The following PRCD variants were observed in gnomAD, a reference collection of about 807,000 sequenced individuals.
PRCD encodes photoreceptor disc component.
Under a neutral mutation model 10.1 loss-of-function variants are expected in PRCD, and 12 were observed. The ratio of observed to expected loss-of-function variants is 1.18; its 90% CI spans 0.76 to 1.92. The LOEUF (loss-of-function observed/expected upper bound fraction) is 1.92, where lower values mean the gene tolerates loss of function less well. PRCD is among the 40% of genes most tolerant of loss of function. PRCD has a pLI of 0.00. For missense variants in PRCD, 61 were observed against 72.2 expected, an observed-to-expected ratio of 0.84 and a Z score of 0.56; for synonymous variants, 31 against 26.2, an observed-to-expected ratio of 1.18 and a Z score of -0.56.
chr17:76,543,887 A>C lies in PRCD; in HGVS notation c.*237A>C, dbSNP rs1480720930. 1 of 471,090 alleles carries C rather than the reference A, an allele frequency of 2.1e-6. No individual in the cohort carries two copies. Among genetic ancestry groups the C allele is most frequent in the Non-Finnish European group, 4.4e-6 (1 of 227,074 alleles). 29.2% of individuals were successfully genotyped at this position (471,090 alleles called of 1,614,324 possible). On this transcript the variant is annotated 3_prime_UTR_variant, in exon 5 of 5. Coordinates refer to ENST00000592014, the MANE Select transcript of PRCD (RefSeq NM_001077620.3). ...TTGGATCTGTGACATGTCTGCCTGCAGCTGGATGGGAGCAACGGACAGCTT... is the reference window on the plus strand; with the variant it reads ...TTGGATCTGTGACATGTCTGCCTGCCGCTGGATGGGAGCAACGGACAGCTT...
chr17:76,535,632 G>T (rs1044958473), upstream of PRCD, among the ~76,000 whole-genome samples: 4 of 152,142 alleles, frequency 2.6e-5, no homozygotes, highest in African/African-American at 9.7e-5. Context: ...ACCTCCCCCA[G>T]CCCAGGCCCA....
chr17:76,528,544 G>A lies in PRCD; in HGVS notation n.45+711G>A. 2 of 1,289,218 alleles carry A rather than the reference G, an allele frequency of 1.6e-6. No individual in the cohort carries two copies. Among genetic ancestry groups the A allele is most frequent in the East Asian group, 3.1e-5 (1 of 32,592 alleles). The allele number at this position is 1,289,218 out of a possible 1,614,324, so 79.9% of individuals were successfully genotyped here. On this transcript the variant is annotated intron_variant and non_coding_transcript_variant, in intron 1 of 4. Transcript: ENST00000397633. This position sits in a 1 kb window ranked among gnomAD's most constrained non-coding sequence, Gnocchi z 5.8. The stretch of plus-strand genomic sequence containing the variant: ...CTTCAGAACTCGGCCTTCTGCTCGA[G>A]GTGCTGCCAGGGAGGGGGGTGGAGT...
chr17:76,528,539 C>A lies in PRCD; in HGVS notation n.45+706C>A, dbSNP rs774830735. The A allele has an allele frequency of 5.1e-5, 65 of 1,286,166 alleles. No individual in the cohort carries two copies. Among genetic ancestry groups the A allele is most frequent in the Non-Finnish European group, 5.9e-5 (59 of 1,007,130 alleles). The allele number at this position is 1,286,166 out of a possible 1,614,324, so 79.7% of individuals were successfully genotyped here. ...AGGGTCTTCAGAACTCGGCCTTCTGCTCGAGGTGCTGCCAGGGAGGGGGGT... is the reference window on the plus strand; with the variant it reads ...AGGGTCTTCAGAACTCGGCCTTCTGATCGAGGTGCTGCCAGGGAGGGGGGT... On this transcript the variant is annotated intron_variant and non_coding_transcript_variant, in intron 1 of 4. Coordinates refer to the PRCD transcript ENST00000397633. This position sits in a 1 kb window ranked among gnomAD's most constrained non-coding sequence, Gnocchi z 5.8.
In PRCD at chr17:76,530,738, G is replaced by C. The variant is rs1201126738; in HGVS notation, n.45+2905G>C. The stretch of plus-strand genomic sequence containing the variant: ...CTCCCTGGCTCTAGGGAAGGGGAAG[G>C]CTCTTTGGGAGGATTTTTGCTCAGG... On this transcript the variant is annotated intron_variant and non_coding_transcript_variant, in intron 1 of 4. Transcript: ENST00000397633. This position sits in a 1 kb window ranked among gnomAD's most constrained non-coding sequence, Gnocchi z 6.1. Among the ~76,000 whole-genome samples, 4 of 152,158 alleles carry C rather than the reference G, an allele frequency of 2.6e-5. No individual in the cohort carries two copies. Among genetic ancestry groups the C allele is most frequent in the Admixed American group, 2.6e-4 (4 of 15,290 alleles).
Position 76,543,018 on chromosome 17 carries a change from TTC to T in PRCD, c.*60-9_*60-8del, listed in dbSNP as rs1330748248. 25 of 476,080 alleles carry T rather than the reference TTC, an allele frequency of 5.3e-5. No homozygotes were observed. The highest frequency in any genetic ancestry group is 4.8e-4 in the African/African-American group (24 of 50,244). The allele number at this position is 476,080 out of a possible 1,614,324, so 29.5% of individuals were successfully genotyped here. A position where few individuals can be genotyped will look rare whatever the true frequency, so the allele number is the denominator to read the frequency against. On this transcript the variant is annotated splice_polypyrimidine_tract_variant and intron_variant, in intron 3 of 4. Transcript: ENST00000592014. ...GGAGAAGTGCTGATCTGCTCTGGTT[TTC>T]TGTTTCAGCTCAGGTCCTGGTTCGT...
chr17:76,528,459 A>C lies in PRCD; in HGVS notation n.45+626A>C. 3.1e-6 allele frequency: 3 copies of C among 966,482 alleles called. No homozygotes were observed. Among genetic ancestry groups the C allele is most frequent in the Non-Finnish European group, 4.1e-6 (3 of 725,916 alleles). 59.9% of individuals were successfully genotyped at this position (966,482 alleles called of 1,614,324 possible). ...CCGCCACAGAGGCCTCCTTCGGGGA[A>C]GTTGAGTCAGGGATTCCTCCAGCTT... On this transcript the variant is annotated intron_variant and non_coding_transcript_variant, in intron 1 of 4. Coordinates refer to the PRCD transcript ENST00000397633. The surrounding 1 kb of genome is among the most constrained non-coding windows in gnomAD (Gnocchi z 5.8).
chr17:76,542,564 C>T lies in PRCD; in HGVS notation c.155C>T (p.Pro52Leu), dbSNP rs2075004923. ...DPQSSGREKE[P>L]LK ...TTTCCTCTGTTTAGGGAGAAAGAAC[C>T]TCTGAAGTAAGCCCTCACCTCTGCA... Residue 52 changes from proline to leucine, a missense_variant, in exon 3 of 5, where the codon CCT (proline) becomes CTT (leucine). Transcript: ENST00000592014. 4 of 1,614,180 alleles carry T rather than the reference C, an allele frequency of 2.5e-6. No individual in the cohort carries two copies. The African/African-American group carries it at 5.3e-5, about 22-fold the overall frequency.
downstream of PRCD, among the ~76,000 whole-genome samples, chr17:76,548,222 GAC>G (rs776532313): frequency 1.3e-5 from 2 of 151,362 alleles, no homozygotes; most frequent in Non-Finnish European, 2.9e-5. Flanking sequence ...TACACTTATA[GAC>G]ACACATAGCA....
downstream of PRCD, chr17:76,546,691 AG>A (rs1215882437): frequency 6.6e-6 from 1 of 152,208 alleles, no homozygotes; most frequent in African/African-American, 2.4e-5. The surrounding 1 kb of genome is among the most constrained non-coding windows in gnomAD (Gnocchi z 4.5). Context: ...TCAGAAGAAC[AG>A]TTTGGTTCGC....
chr17:76,548,804 A>C (rs2075080575), downstream of PRCD, among the ~76,000 whole-genome samples: 1 of 152,216 alleles, frequency 6.6e-6, no homozygotes, highest in Non-Finnish European at 1.5e-5. Flanking sequence ...TCTGCCACAA[A>C]CAACCAGAAA....
chr17:76,528,619 C>G lies in PRCD; in HGVS notation n.45+786C>G. The stretch of plus-strand genomic sequence containing the variant: ...GGCAGTGTGGCCGGTGGGCTGTGGA[C>G]GAGATAGGAAGGGAAGGACAAACGT... On this transcript the variant is annotated intron_variant and non_coding_transcript_variant, in intron 1 of 4. Transcript: ENST00000397633. The surrounding 1 kb of genome is among the most constrained non-coding windows in gnomAD (Gnocchi z 5.8). The G allele has an allele frequency of 7.8e-7, 1 of 1,274,516 alleles. No homozygotes were observed. Among genetic ancestry groups the G allele is most frequent in the Non-Finnish European group, 1.0e-6 (1 of 1,001,768 alleles). 79.0% of individuals were successfully genotyped at this position (1,274,516 alleles called of 1,614,324 possible).
chr17:76,539,297 TC>T (rs200878735), upstream of PRCD, among the ~76,000 whole-genome samples: 240 of 152,256 alleles, frequency 1.6e-3, 9 homozygotes, highest in East Asian at 0.041. Context: ...ATAGGAGAAA[TC>T]GTGTAACTAT....
rs545553723 is a variant in PRCD at position 76,544,903 on chromosome 17, T to G, written c.*1253T>G. The G allele has an allele frequency of 2.2e-6, 1 of 456,782 alleles. No homozygotes were observed. The highest frequency in any genetic ancestry group is 1.5e-5 in the South Asian group (1 of 64,574). The allele number at this position is 456,782 out of a possible 1,614,324, so 28.3% of individuals were successfully genotyped here. On this transcript the variant is annotated 3_prime_UTR_variant, in exon 5 of 5. Transcript: ENST00000592014. Reference sequence around the variant, plus strand: ...CCAGGGCAGCGCCCCTCCACGCCACTGTTCCGAGAACCTGCGCAGGAGGTG... The same window carrying G: ...CCAGGGCAGCGCCCCTCCACGCCACGGTTCCGAGAACCTGCGCAGGAGGTG...
chr17:76,532,782 C>G (rs2074862992), intron 1 of PRCD, among the ~76,000 whole-genome samples: 1 of 151,972 alleles, frequency 6.6e-6, no homozygotes, highest in South Asian at 2.1e-4. Flanking sequence ...GGCGATCCGC[C>G]TGCCTCAGCC....
In PRCD at chr17:76,540,664, C is replaced by T. The variant is rs868573517; in HGVS notation, c.143+91C>T. The T allele has an allele frequency of 2.1e-5, 28 of 1,314,352 alleles. 1 individual carries two copies. In the Middle Eastern group the frequency reaches 1.8e-3, roughly 82 times the overall value. The allele number at this position is 1,314,352 out of a possible 1,614,324, so 81.4% of individuals were successfully genotyped here. A position where few individuals can be genotyped will look rare whatever the true frequency, so the allele number is the denominator to read the frequency against. Reference sequence around the variant, plus strand: ...GGGGGTGCACGTGTGTGCCTGTGCGCGCCTGTGCGTGCACCGTATCCTGGC... The same window carrying T: ...GGGGGTGCACGTGTGTGCCTGTGCGTGCCTGTGCGTGCACCGTATCCTGGC... On this transcript the variant is annotated intron_variant, in intron 2 of 4. Transcript: ENST00000592014. This position sits in a 1 kb window ranked among gnomAD's most constrained non-coding sequence, Gnocchi z 5.0.
In PRCD at chr17:76,544,330, T is replaced by C. The variant is rs890647172; in HGVS notation, c.*680T>C. 1 of 454,304 alleles carries C rather than the reference T, an allele frequency of 2.2e-6. No homozygotes were observed. The highest frequency in any genetic ancestry group is 4.4e-6 in the Non-Finnish European group (1 of 226,836). The allele number at this position is 454,304 out of a possible 1,614,324, so 28.1% of individuals were successfully genotyped here. The stretch of plus-strand genomic sequence containing the variant: ...GATGGAGTTCTCTAGACAGCAGCAC[T>C]TCAGCCGCCACTCTGCCTCTGAAGG... On this transcript the variant is annotated 3_prime_UTR_variant, in exon 5 of 5. Coordinates refer to ENST00000592014, the MANE Select transcript of PRCD (RefSeq NM_001077620.3).
downstream of PRCD, among the ~76,000 whole-genome samples, chr17:76,547,724 C>T (rs1191192162): frequency 1.3e-5 from 2 of 149,864 alleles, 1 homozygote; most frequent in Non-Finnish European, 3.0e-5. Context: ...GAGACACATA[C>T]ATTCACACAC....
chr17:76,529,156 G>C (rs2074803263), intron 1 of PRCD: 1 of 984,908 alleles, frequency 1.0e-6, no homozygotes, highest in South Asian at 4.7e-5. Flanking sequence ...AGTTGGGCGA[G>C]GGCCTTCTAG....
At chr17:76,542,330 C>T (rs367559580) in intron 2 of PRCD, among the ~76,000 whole-genome samples, 4 of 152,284 alleles carry the variant, frequency 2.6e-5, no homozygotes, top group South Asian at 2.1e-4. Flanking sequence ...GGTCTGACAT[C>T]GAGGAACCAC....
Sources: allele counts gnomAD v4.1 joint callset (sites outside exome capture counted in the v4.1 genomes callset), GRCh38; gene constraint gnomAD v4.1.1; non-coding constraint Gnocchi (gnomAD v3.1); transcripts MANE v1.5; gene names NCBI Gene and HGNC (gene_info 2026-07-23, HGNC 2026-07-21).